KIAA1217: variants seen among roughly 807,000 people sequenced by gnomAD.
KIAA1217 encodes the protein sickle tail protein homolog.
Under a neutral mutation model 163.9 loss-of-function variants are expected in KIAA1217, and 88 were observed. The ratio of observed to expected loss-of-function variants is 0.54; its 90% CI spans 0.45 to 0.64. KIAA1217 has a LOEUF of 0.64. KIAA1217 is among the 30% of genes least tolerant of loss of function. The probability of loss-of-function intolerance (pLI) is 0.00; values close to 1 mark genes in which losing one functional copy is unlikely to be tolerated. For missense variants in KIAA1217, 2,372 were observed against 2,475.0 expected (o/e 0.96, Z 0.88); for synonymous variants, 903 against 923.1 (o/e 0.98, Z 0.39).
At chr10:24,062,490 A>G (rs2060766354) in intron 2 of KIAA1217, among the ~76,000 whole-genome samples, 2 of 151,570 alleles carry the variant, frequency 1.3e-5, no homozygotes, top group African/African-American at 4.9e-5. Flanking sequence ...ATGGCTGCAT[A>G]GTATTCCATG....
chr10:23,933,503 T>A (rs914807807), intron 1 of KIAA1217, among the ~76,000 whole-genome samples: 1 of 152,192 alleles, frequency 6.6e-6, no homozygotes, highest in Non-Finnish European at 1.5e-5. Context: ...TAAAATTACA[T>A]GATTTTCTGT....
At chr10:23,925,490 C>T (rs1842986817) in intron 1 of KIAA1217, among the ~76,000 whole-genome samples, 1 of 152,240 alleles carries the variant, frequency 6.6e-6, no homozygotes, top group South Asian at 2.1e-4. Context: ...GGATCAGTCT[C>T]TTTTGACTGT....
intron 5 of KIAA1217, among the ~76,000 whole-genome samples, chr10:24,451,745 G>T (rs1226436368): frequency 6.6e-6 from 1 of 152,222 alleles, no homozygotes; most frequent in Non-Finnish European, 1.5e-5. Flanking sequence ...TCTGCCCTTT[G>T]ATATCCAAAC....
chr10:23,702,433 CATT>C (rs2130706484), intron 1 of KIAA1217, among the ~76,000 whole-genome samples: 1 of 152,192 alleles, frequency 6.6e-6, no homozygotes, highest in East Asian at 1.9e-4. Context: ...ATAGAAACAA[CATT>C]ATATGTGGAA....
chr10:24,188,375 A>G (rs1170492590), intron 2 of KIAA1217, among the ~76,000 whole-genome samples: 1 of 152,178 alleles, frequency 6.6e-6, no homozygotes, highest in East Asian at 1.9e-4. Flanking sequence ...GAGCTTTCCA[A>G]TACTTTCTGT....
At chr10:23,739,838 C>A (rs962801294) in intron 1 of KIAA1217, among the ~76,000 whole-genome samples, 4 of 152,092 alleles carry the variant, frequency 2.6e-5, no homozygotes, top group East Asian at 3.9e-4. Context: ...GGAGCAGCAG[C>A]GGAGAAGTGC....
chr10:24,294,289 T>C (rs1447093373), intron 2 of KIAA1217, among the ~76,000 whole-genome samples: 3 of 152,104 alleles, frequency 2.0e-5, no homozygotes, highest in South Asian at 2.1e-4. Flanking sequence ...CAGGCAGTTC[T>C]GTCCCATTTC....
chr10:24,130,184 T>C (rs1356958735), intron 2 of KIAA1217, among the ~76,000 whole-genome samples: 1 of 152,152 alleles, frequency 6.6e-6, no homozygotes, highest in Non-Finnish European at 1.5e-5. Flanking sequence ...ATTATTAATT[T>C]AGAGACAGAG....
At chr10:24,086,512 A>G (rs2061703143) in intron 2 of KIAA1217, among the ~76,000 whole-genome samples, 1 of 152,152 alleles carries the variant, frequency 6.6e-6, no homozygotes, top group African/African-American at 2.4e-5. Flanking sequence ...TGTTGTTGTT[A>G]CTGTAAGAAT....
intron 1 of KIAA1217, chr10:23,877,506 C>A (rs1840750822): frequency 6.6e-6 from 1 of 151,534 alleles, no homozygotes; most frequent in Admixed American, 6.6e-5. Flanking sequence ...GTGAGTGAGA[C>A]AACGTCATAA....
chr10:24,521,941 C>G lies in KIAA1217; in HGVS notation c.2456+12C>G, dbSNP rs1204543445. 1.9e-6 allele frequency: 3 copies of G among 1,599,626 alleles called. No homozygotes were observed. Among genetic ancestry groups the G allele is most frequent in the East Asian group, 4.5e-5 (2 of 44,548 alleles). On this transcript the variant is annotated intron_variant, in intron 12 of 20. Coordinates refer to ENST00000376454, the MANE Select transcript of KIAA1217 (RefSeq NM_019590.5). ...ACCATGCTGCGGAGGTGACCGGGCC[C>G]TCATCGTGCTGGGGGTGGCCTGCGG...
rs1031002239 is a variant in KIAA1217, at chr10:24,111,155, C to T, written c.-171+103781C>T. Among the ~76,000 whole-genome samples the T allele has an allele frequency of 6.6e-5, 10 of 152,094 alleles. No individual in the cohort carries two copies. In the East Asian group the frequency reaches 1.9e-3, roughly 29 times the overall value. On this transcript the variant is annotated intron_variant, in intron 2 of 18. Coordinates refer to the KIAA1217 transcript ENST00000376462. ...CATAAACTTTATTGCTGTCTCATTA[C>T]CATGCAGAAGCCAAATATGAGCAAA... is the stretch of plus-strand genomic sequence containing the variant.
intron 1 of KIAA1217, among the ~76,000 whole-genome samples, chr10:23,704,164 G>GTGTGTGTGTGTA (rs1836698150): frequency 5.0e-5 from 4 of 80,590 alleles, no homozygotes; most frequent in African/African-American, 2.4e-4. Context: ...GTGTGTGTGT[G>GTGTGTGTGTGTA]TGTGTGTGTA....
chr10:24,094,831 C>A (rs1172105113), intron 2 of KIAA1217, among the ~76,000 whole-genome samples: 1 of 152,200 alleles, frequency 6.6e-6, no homozygotes, highest in African/African-American at 2.4e-5. Context: ...TGCCCTGCCC[C>A]CAGAGGTGGA....
intron 1 of KIAA1217, among the ~76,000 whole-genome samples, chr10:23,854,056 C>T (rs1369935255): frequency 1.3e-5 from 2 of 152,080 alleles, no homozygotes; most frequent in East Asian, 3.9e-4. Flanking sequence ...CTTCTGCTAG[C>T]TTTTGAATGT....
At chr10:24,522,019 A>C in intron 12 of KIAA1217, 90 bp downstream of exon 12, 1 of 1,443,582 alleles carries the variant, frequency 6.9e-7, no homozygotes, top group African/African-American at 1.4e-5. Context: ...GCCTTCCACC[A>C]TGCTCCCAGG....
chr10:23,782,437 TTTTA>T (rs1835299268), intron 1 of KIAA1217, among the ~76,000 whole-genome samples: 1 of 152,214 alleles, frequency 6.6e-6, no homozygotes, highest in African/African-American at 2.4e-5. Context: ...ATTAAGTTAA[TTTTA>T]TTTATTTAGA....
chr10:24,067,417 C>T (rs1209623650), intron 2 of KIAA1217, among the ~76,000 whole-genome samples: 1 of 152,190 alleles, frequency 6.6e-6, no homozygotes, highest in East Asian at 1.9e-4. Flanking sequence ...ACTCCAGACC[C>T]TGTTTGCCTG....
At position 24,219,748 on chromosome 10, in the gene KIAA1217, A is replaced by G. The variant is rs753099046; in HGVS notation, c.193A>G (p.Arg65Gly). ...SVSKSSRNIP[R>G]RHTLGGPRSS... ...TTCCAAGTCTTCCCGCAATATCCCA[A>G]GGAGACACACCCTAGGGGGGCCCCG... Residue 65 changes from arginine to glycine, a missense_variant, in exon 2 of 21, where the codon AGG becomes GGG. Arg to Gly is a moderately radical substitution (Grantham distance 125, BLOSUM62 -2). Coordinates refer to ENST00000376454, the MANE Select transcript of KIAA1217 (RefSeq NM_019590.5). 2 of 1,614,024 alleles carry G rather than the reference A, an allele frequency of 1.2e-6. No homozygotes were observed. The highest frequency in any genetic ancestry group is 1.3e-5 in the African/African-American group (1 of 75,052).
Sources: allele counts gnomAD v4.1 joint callset (sites outside exome capture counted in the v4.1 genomes callset), GRCh38; gene constraint gnomAD v4.1.1; transcripts MANE v1.5; gene names NCBI Gene and HGNC (gene_info 2026-07-23, HGNC 2026-07-21).